The following PPFIBP2 variants were observed in gnomAD, a reference collection of about 807,000 sequenced individuals.
The protein encoded by PPFIBP2 is PPFIB scaffold protein 2, also known as liprin-beta-2.
A neutral mutation model predicts 118.3 loss-of-function variants in PPFIBP2; 118 were observed. The ratio of observed to expected loss-of-function variants is 1.00; its 90% CI spans 0.86 to 1.16. The LOEUF (loss-of-function observed/expected upper bound fraction) is 1.16, where lower values mean the gene tolerates loss of function less well. PPFIBP2 is among the 50% of genes most tolerant of loss of function. The pLI, the probability that PPFIBP2 is intolerant of heterozygous loss-of-function variation, is 0.00. For synonymous variants in PPFIBP2, 414 were observed against 397.4 expected (o/e 1.04, Z -0.50); for missense variants, 1,195 against 1,073.1 (o/e 1.11, Z -1.59).
intron 4 of PPFIBP2, among the ~76,000 whole-genome samples, chr11:7,594,934 A>AG (rs1484354065): frequency 6.6e-6 from 1 of 151,608 alleles, no homozygotes; most frequent in Non-Finnish European, 1.5e-5. Flanking sequence ...AAAAAAAAAA[A>AG]AAAGAAAAAG....
intron 5 of PPFIBP2, among the ~76,000 whole-genome samples, chr11:7,601,270 G>C (rs1454995131): frequency 1.3e-5 from 2 of 152,162 alleles, no homozygotes; most frequent in Non-Finnish European, 2.9e-5. Flanking sequence ...GTCTACACAT[G>C]AACTCATCCA....
chr11:7,537,547 C>A (rs952560824), intron 1 of PPFIBP2, among the ~76,000 whole-genome samples: 2 of 152,252 alleles, frequency 1.3e-5, no homozygotes, highest in Non-Finnish European at 2.9e-5. Flanking sequence ...CTCTTCACAT[C>A]TTAGCCTTGA....
chr11:7,626,343 CT>C (rs1450473210), intron 8 of PPFIBP2, among the ~76,000 whole-genome samples: 1 of 152,156 alleles, frequency 6.6e-6, no homozygotes, highest in African/African-American at 2.4e-5. Context: ...CAAGTCAGTT[CT>C]TTTTCATTCT....
At chr11:7,605,743 A>G (rs1847262831) in intron 5 of PPFIBP2, 1 of 1,352,340 alleles carries the variant, frequency 7.4e-7, no homozygotes, top group Non-Finnish European at 9.4e-7. Context: ...CGCAGAAGAA[A>G]TTAGAGGTTG....
intron 4 of PPFIBP2, among the ~76,000 whole-genome samples, chr11:7,593,870 C>T (rs1334849139): frequency 6.6e-6 from 1 of 152,228 alleles, no homozygotes; most frequent in East Asian, 1.9e-4. Context: ...GTTGAAGAAG[C>T]AGGCCCAGCA....
chr11:7,541,539 C>T (rs996493559), intron 1 of PPFIBP2, among the ~76,000 whole-genome samples: 2 of 152,158 alleles, frequency 1.3e-5, no homozygotes, highest in African/African-American at 2.4e-5. Context: ...CCTCCTGTCT[C>T]CTTTGTCCAT....
At chr11:7,565,332 C>T (rs1854839288) in intron 2 of PPFIBP2, among the ~76,000 whole-genome samples, 1 of 152,164 alleles carries the variant, frequency 6.6e-6, no homozygotes, top group African/African-American at 2.4e-5. Context: ...TATTCGCAAG[C>T]CAGATATTGT....
At chr11:7,660,098 G>A (rs1854858571), downstream of PPFIBP2, among the ~76,000 whole-genome samples, 1 of 124,912 alleles carries the variant, frequency 8.0e-6, no homozygotes, top group Non-Finnish European at 1.9e-5. Context: ...CTGCAAACAG[G>A]GACAATTTGA....
rs1436865366 is a variant in PPFIBP2 at position 7,593,126 on chromosome 11, C to G, written c.280-6C>G. 7.4e-6 allele frequency: 12 copies of G among 1,611,352 alleles called. No homozygotes were observed. The highest frequency in any genetic ancestry group is 9.3e-6 in the Non-Finnish European group (11 of 1,179,316). On this transcript the variant is annotated splice_region_variant and splice_polypyrimidine_tract_variant and intron_variant, in intron 3 of 23. Coordinates refer to ENST00000299492, the MANE Select transcript of PPFIBP2 (RefSeq NM_003621.5). Reference sequence around the variant, plus strand: ...AAGTGTATTCTTTTTTTTCTGTCCTCTTTAGTCCCAGGTAAACCACCACAG... The same window carrying G: ...AAGTGTATTCTTTTTTTTCTGTCCTGTTTAGTCCCAGGTAAACCACCACAG...
chr11:7,586,923 C>T (rs1033527345), intron 3 of PPFIBP2, among the ~76,000 whole-genome samples: 1 of 152,174 alleles, frequency 6.6e-6, no homozygotes, highest in African/African-American at 2.4e-5. Flanking sequence ...GTTGTTAGAT[C>T]TATTTCTGTT....
chr11:7,648,306 T>C, intron 17 of PPFIBP2, 81 bp from the exon 18 acceptor site: 1 of 1,456,330 alleles, frequency 6.9e-7, no homozygotes. Flanking sequence ...TCTTTTCTTT[T>C]CTTTTGTTTG....
intron 14 of PPFIBP2, 27 bp from the exon 15 acceptor site, chr11:7,639,705 C>G: frequency 6.2e-7 from 1 of 1,613,342 alleles, no homozygotes; most frequent in Non-Finnish European, 8.5e-7. Flanking sequence ...AAGTCGGTAT[C>G]TCTCTCTTTC....
At chr11:7,595,874 G>A (rs1230912495) in intron 4 of PPFIBP2, among the ~76,000 whole-genome samples, 2 of 145,584 alleles carry the variant, frequency 1.4e-5, no homozygotes, top group Non-Finnish European at 3.0e-5. Flanking sequence ...TAACTCCTTA[G>A]GAAAAGGATT....
At chr11:7,614,703 C>A (rs1351912403) in intron 6 of PPFIBP2, among the ~76,000 whole-genome samples, 1 of 151,832 alleles carries the variant, frequency 6.6e-6, no homozygotes, top group African/African-American at 2.4e-5. Context: ...TTCCCATGAG[C>A]AATGTAATGT....
Position 7,620,972 on chromosome 11 carries a change from T to G in PPFIBP2, c.656T>G (p.Val219Gly). 6.2e-7 allele frequency: 1 copy of G among 1,613,074 alleles called. No individual in the cohort carries two copies. The change falls in exon 7 of 24, where the codon GTG becomes GGG. Residue 219 changes from valine to glycine, a missense_variant. By Grantham distance (109) the Val-to-Gly change is moderately radical. Coordinates refer to ENST00000299492, the MANE Select transcript of PPFIBP2 (RefSeq NM_003621.5). The part of the protein sequence containing the change: ...LQELRHLKIK[V>G]EELENERNQY... ...GAGCTCAGGCACCTCAAAATCAAAGTGGAAGAGTTGGAAAATGAAAGGAAT... is the reference window on the plus strand; with the variant it reads ...GAGCTCAGGCACCTCAAAATCAAAGGGGAAGAGTTGGAAAATGAAAGGAAT...
chr11:7,559,898 G>T (rs921194161), intron 2 of PPFIBP2, among the ~76,000 whole-genome samples: 1 of 152,080 alleles, frequency 6.6e-6, no homozygotes, highest in African/African-American at 2.4e-5. Flanking sequence ...GGTTTTTACT[G>T]TCTTTCAAGC....
At chr11:7,568,943 A>G (rs1436986366) in intron 3 of PPFIBP2, 1 of 152,242 alleles carries the variant, frequency 6.6e-6, no homozygotes, top group African/African-American at 2.4e-5. Context: ...GAGTGAATCA[A>G]CTGTTAGCAG....
intron 1 of PPFIBP2, among the ~76,000 whole-genome samples, chr11:7,540,328 G>T (rs894274808): frequency 2.0e-5 from 3 of 152,158 alleles, no homozygotes; most frequent in African/African-American, 4.8e-5. Context: ...TGACGGCAGG[G>T]CAGGTGAAGA....
intron 1 of PPFIBP2, among the ~76,000 whole-genome samples, chr11:7,539,719 G>T (rs772414426): frequency 1.1e-4 from 17 of 152,334 alleles, no homozygotes; most frequent in South Asian, 6.2e-4. Flanking sequence ...CTGGGGGATG[G>T]ATGGGAGAGG....
Sources: gnomAD v4.1 joint callset for allele counts (sites outside exome capture counted in the v4.1 genomes callset) on GRCh38, gnomAD v4.1.1 for gene constraint, MANE v1.5 for transcripts, NCBI Gene and HGNC (gene_info 2026-07-23, HGNC 2026-07-21) for gene names.